DNAI4: variants seen among roughly 807,000 people sequenced by gnomAD.
The protein encoded by DNAI4 is WD repeat domain 78.
DNAI4 carries 85 observed loss-of-function variants against 105.8 expected under a neutral mutation model. The observed-to-expected ratio is 0.80, with a 90% CI of 0.67 to 0.96. The LOEUF is 0.96. Ranked by LOEUF, DNAI4 falls within the 40% of genes least tolerant of loss-of-function variation. The probability of loss-of-function intolerance (pLI) is 0.00; values close to 1 mark genes in which losing one functional copy is unlikely to be tolerated. For missense variants in DNAI4, 1,014 were observed against 1,005.6 expected, an observed-to-expected ratio of 1.01 and a Z score of -0.11; for synonymous variants, 352 against 331.5, an observed-to-expected ratio of 1.06 and a Z score of -0.67.
intron 1 of DNAI4, among the ~76,000 whole-genome samples, chr1:66,924,116 G>C (rs1252587644): frequency 1.3e-5 from 2 of 152,214 alleles, no homozygotes; most frequent in Non-Finnish European, 1.5e-5. Flanking sequence ...AGAAGTGCTA[G>C]AACGATGGTT....
chr1:66,844,103 A>AAAAAAAAAAAT (rs1646217626), intron 8 of DNAI4, among the ~76,000 whole-genome samples: 1 of 127,742 alleles, frequency 7.8e-6, no homozygotes, highest in Non-Finnish European at 1.6e-5. Flanking sequence ...AAAAAAAAAA[A>AAAAAAAAAAAT]AAAACTTTAA....
intron 13 of DNAI4, 57 bp downstream of exon 13, chr1:66,833,528 C>A (rs1347028839): frequency 6.3e-7 from 1 of 1,591,162 alleles, no homozygotes; most frequent in Non-Finnish European, 8.6e-7. Flanking sequence ...TGACTTAATA[C>A]ACTTCAATTT....
intron 10 of DNAI4, among the ~76,000 whole-genome samples, chr1:66,836,224 GAGAGAGAGAGAA>G (rs1646001530): frequency 1.6e-5 from 2 of 128,486 alleles, no homozygotes; most frequent in Admixed American, 7.9e-5. Flanking sequence ...GAGAGAGAGA[GAGAGAGAGAGAA>G]AGAAAGAAAG....
At chr1:66,823,039 C>T (rs1337387191) in intron 15 of DNAI4, among the ~76,000 whole-genome samples, 1 of 151,932 alleles carries the variant, frequency 6.6e-6, no homozygotes, top group Non-Finnish European at 1.5e-5. Context: ...AGTGTATCTC[C>T]CAATGCTATC....
intron 2 of DNAI4, 28 bp from the exon 3 acceptor site, chr1:66,893,441 A>C: frequency 7.0e-7 from 1 of 1,428,232 alleles, no homozygotes; most frequent in Admixed American, 2.6e-5. Context: ...TTAAAATGAA[A>C]TAACTAAAAA....
At chr1:66,827,125 C>G (rs1199501118) in intron 14 of DNAI4, 79 bp from the exon 15 acceptor site, 2 of 1,230,084 alleles carry the variant, frequency 1.6e-6, no homozygotes, top group Non-Finnish European at 2.3e-6. Flanking sequence ...ATTAAAAATG[C>G]TAAGATTTCT....
intron 6 of DNAI4, among the ~76,000 whole-genome samples, chr1:66,862,638 T>C (rs1250232952): frequency 6.6e-6 from 1 of 152,218 alleles, no homozygotes; most frequent in African/African-American, 2.4e-5. Flanking sequence ...TAACTGGAAG[T>C]GGATAGAAAT....
At chr1:66,816,727 TCACACACACACACACACACA>T (rs57920483) in intron 16 of DNAI4, among the ~76,000 whole-genome samples, 13 of 137,692 alleles carry the variant, frequency 9.4e-5, no homozygotes, top group East Asian at 2.1e-4. Flanking sequence ...AGCCTTGAAA[TCACACACACACACACACACA>T]CACACACACA....
chr1:66,861,067 G>A (rs1410300574), intron 7 of DNAI4, among the ~76,000 whole-genome samples: 4 of 152,082 alleles, frequency 2.6e-5, no homozygotes, highest in Non-Finnish European at 5.9e-5. Flanking sequence ...ACTAGAAAAT[G>A]AGATTTTAAA....
Position 66,860,037 on chromosome 1 carries a change from A to C in DNAI4, c.1096+2110T>G, listed in dbSNP as rs1209242718. 2.0e-5 allele frequency among the ~76,000 whole-genome samples: 3 copies of C among 152,060 alleles called. No homozygotes were observed. In the South Asian group the frequency reaches 6.2e-4, roughly 32 times the overall value. On this transcript the variant is annotated intron_variant, in intron 7 of 16. Transcript: ENST00000371026. ...AACAAATATACCACATTAATGCAAA[A>C]TATTAATAATAGGGGCCACTGTGCA... is the stretch of plus-strand genomic sequence containing the variant.
At chr1:66,871,611 G>A in intron 5 of DNAI4, 102 bp from the exon 6 acceptor site, 1 of 1,213,064 alleles carries the variant, frequency 8.2e-7, no homozygotes, top group Non-Finnish European at 1.1e-6. Context: ...CCTTAATGTG[G>A]CTTGCACCAA....
At chr1:66,847,301 T>C (rs893832338) in intron 8 of DNAI4, among the ~76,000 whole-genome samples, 183 bp downstream of exon 8, 1 of 152,176 alleles carries the variant, frequency 6.6e-6, no homozygotes, top group Non-Finnish European at 1.5e-5. Flanking sequence ...ATCTTCTTTT[T>C]CTTTTTTTAA....
At chr1:66,869,840 T>C (rs1007173072) in intron 6 of DNAI4, among the ~76,000 whole-genome samples, 1 of 152,168 alleles carries the variant, frequency 6.6e-6, no homozygotes, top group Non-Finnish European at 1.5e-5. Flanking sequence ...AGCAGGCTAC[T>C]AGAAGAGGGA....
chr1:66,899,383 T>A (rs961886216), intron 2 of DNAI4, among the ~76,000 whole-genome samples: 7 of 152,294 alleles, frequency 4.6e-5, no homozygotes, highest in African/African-American at 1.7e-4. Context: ...TTTTTGATCA[T>A]TTGTATATAT....
chr1:66,831,922 T>A (rs1295710662), intron 13 of DNAI4, among the ~76,000 whole-genome samples: 1 of 152,220 alleles, frequency 6.6e-6, no homozygotes, highest in Non-Finnish European at 1.5e-5. Context: ...CCAAGCATTA[T>A]TGACATTTTG....
At chr1:66,834,503 C>A (rs1159403853) in intron 11 of DNAI4, among the ~76,000 whole-genome samples, 1 of 152,046 alleles carries the variant, frequency 6.6e-6, no homozygotes, top group African/African-American at 2.4e-5. Flanking sequence ...ATTTTAGACA[C>A]ATGGAATATA....
At chr1:66,871,316 C>CA (rs760037860) in intron 6 of DNAI4, 54 bp downstream of exon 6, 43 of 1,495,644 alleles carry the variant, frequency 2.9e-5, no homozygotes, top group South Asian at 1.6e-4. Flanking sequence ...TTGACAGACT[C>CA]AAAAAATGTA....
intron 3 of DNAI4, 132 bp downstream of exon 3, chr1:66,893,097 G>GAAAGA (rs1557965647): frequency 2.1e-5 from 9 of 434,300 alleles, no homozygotes; most frequent in African/African-American, 1.7e-4. Context: ...AAGAAAGAAA[G>GAAAGA]AAAGAAAGAA....
At chr1:66,832,704 G>A (rs900643682) in intron 13 of DNAI4, among the ~76,000 whole-genome samples, 50 of 152,144 alleles carry the variant, frequency 3.3e-4, no homozygotes, top group African/African-American at 1.1e-3. Flanking sequence ...ATAAATGCTT[G>A]AAGGGATGGA....
Sources: allele counts gnomAD v4.1 joint callset (sites outside exome capture counted in the v4.1 genomes callset), GRCh38; gene constraint gnomAD v4.1.1; transcripts MANE v1.5; gene names NCBI Gene and HGNC (gene_info 2026-07-23, HGNC 2026-07-21).